PKIB: variants seen among roughly 807,000 people sequenced by gnomAD.
The protein encoded by PKIB is PKI-beta.
PKIB carries 2 observed loss-of-function variants against 4.5 expected under a neutral mutation model. The observed-to-expected ratio is 0.44, with a 90% CI of 0.18 to 1.39. PKIB has a LOEUF of 1.39. PKIB is among the 40% of genes most tolerant of loss of function. The probability of loss-of-function intolerance (pLI) is 0.27; values close to 1 mark genes in which losing one functional copy is unlikely to be tolerated. For synonymous variants in PKIB, 38 were observed against 36.0 expected, an observed-to-expected ratio of 1.06 and a Z score of -0.20; for missense variants, 94 against 92.6, an observed-to-expected ratio of 1.02 and a Z score of -0.06.
At chr6:122,585,985 G>A (rs993158632) in exon 3 of PKIB, 1 of 152,058 alleles carries the variant, frequency 6.6e-6, no homozygotes, top group Admixed American at 6.6e-5. Context: ...TGAGAACTTG[G>A]ACATACATAC....
intron 2 of PKIB, among the ~76,000 whole-genome samples, chr6:122,541,413 A>C (rs889683840): frequency 6.6e-6 from 1 of 151,574 alleles, no homozygotes; most frequent in Non-Finnish European, 1.5e-5. Flanking sequence ...GCTTGTCTGT[A>C]AAGTATTTTA....
intron 2 of PKIB, among the ~76,000 whole-genome samples, chr6:122,574,233 A>G (rs188134553): frequency 6.6e-6 from 1 of 152,198 alleles, no homozygotes; most frequent in Admixed American, 6.5e-5. Flanking sequence ...TAGGTGAAAG[A>G]TCACCTACAC....
intron 2 of PKIB, among the ~76,000 whole-genome samples, chr6:122,664,222 G>A (rs1266496862): frequency 6.6e-6 from 1 of 152,080 alleles, no homozygotes; most frequent in Non-Finnish European, 1.5e-5. Context: ...TTGAGAATTG[G>A]TTTTAGTGAC....
chr6:122,536,740 A>G (rs1010374236), intron 2 of PKIB, among the ~76,000 whole-genome samples: 2 of 152,096 alleles, frequency 1.3e-5, no homozygotes, highest in Non-Finnish European at 2.9e-5. Flanking sequence ...CATAAAGACT[A>G]ACATTAATAA....
At chr6:122,538,521 C>T (rs900464113) in intron 2 of PKIB, among the ~76,000 whole-genome samples, 1 of 152,024 alleles carries the variant, frequency 6.6e-6, no homozygotes, top group Non-Finnish European at 1.5e-5. Context: ...GGGCTCTGTT[C>T]TGTTCCATTG....
intron 2 of PKIB, among the ~76,000 whole-genome samples, chr6:122,573,707 G>C (rs1431599755): frequency 6.6e-6 from 1 of 152,020 alleles, no homozygotes; most frequent in Non-Finnish European, 1.5e-5. Flanking sequence ...AAAAGCATTT[G>C]ACAAAATGCA....
intron 2 of PKIB, among the ~76,000 whole-genome samples, chr6:122,644,978 A>G (rs1776257216): frequency 6.6e-6 from 1 of 152,172 alleles, no homozygotes; most frequent in Admixed American, 6.5e-5. Context: ...TACACATTTT[A>G]TCTCCTAAAG....
chr6:122,496,741 G>A (rs977707392), intron 2 of PKIB, among the ~76,000 whole-genome samples: 70 of 152,220 alleles, frequency 4.6e-4, no homozygotes, highest in African/African-American at 1.6e-3. Context: ...AAGTGACCAA[G>A]TCTATAAATT....
chr6:122,605,988 A>G (rs527841381), upstream of PKIB, among the ~76,000 whole-genome samples: 3 of 152,252 alleles, frequency 2.0e-5, no homozygotes, highest in East Asian at 3.9e-4. Context: ...AGTGGACTGA[A>G]TGGTGGTCTC....
rs193047948 is a variant in PKIB at position 122,514,166 on chromosome 6, T to C, written c.-248+36227T>C. 1.0e-3 allele frequency among the ~76,000 whole-genome samples: 152 copies of C among 152,152 alleles called. 2 individuals carry two copies. Among genetic ancestry groups the C allele is most frequent in the Admixed American group, 8.6e-3 (131 of 15,278 alleles). ...GGATGAATTCTCTTATTCAGGAAAA[T>C]GGAGAGAATAAGAATGCTTGCCTTT... On this transcript the variant is annotated intron_variant, in intron 2 of 6. Coordinates refer to the PKIB transcript ENST00000392491.
chr6:122,659,231 A>G (rs1489247216), intron 2 of PKIB, among the ~76,000 whole-genome samples: 2 of 152,196 alleles, frequency 1.3e-5, no homozygotes, highest in African/African-American at 4.8e-5. Context: ...GGCTTTATAT[A>G]CATATAAAAT....
At chr6:122,510,907 A>T (rs144720826) in intron 2 of PKIB, among the ~76,000 whole-genome samples, 1 of 152,232 alleles carries the variant, frequency 6.6e-6, no homozygotes, top group Non-Finnish European at 1.5e-5. Flanking sequence ...TGGCGAGCCA[A>T]GTCTTGGGCT....
chr6:122,649,060 C>T (rs1013031163), intron 2 of PKIB, among the ~76,000 whole-genome samples: 1 of 152,226 alleles, frequency 6.6e-6, no homozygotes, highest in Non-Finnish European at 1.5e-5. Flanking sequence ...TATTAAAATT[C>T]TCCTCTGCTG....
chr6:122,483,128 G>A (rs1202210079), intron 2 of PKIB: 5 of 151,966 alleles, frequency 3.3e-5, no homozygotes, highest in African/African-American at 9.7e-5. Context: ...ATTATTTGTC[G>A]AAGTATTACA....
At chr6:122,674,480 A>G (rs890572477) in intron 2 of PKIB, among the ~76,000 whole-genome samples, 5 of 152,144 alleles carry the variant, frequency 3.3e-5, no homozygotes, top group Non-Finnish European at 4.4e-5. Context: ...TTCTTATGCC[A>G]GATGCTAAGT....
chr6:122,590,714 G>A (rs932424957), intron 3 of PKIB, among the ~76,000 whole-genome samples: 3 of 152,148 alleles, frequency 2.0e-5, no homozygotes, highest in Admixed American at 1.3e-4. Flanking sequence ...TTAGAGAAGG[G>A]CAGAACCATC....
rs564603579 is a variant in PKIB, at chr6:122,604,826, T to C, written c.-161+18819T>C. ...TATGCCCTGCTACTCTGCAAAACAA[T>C]GCCCTATTGATCAGGAGTGGGGAGA... On this transcript the variant is annotated intron_variant, in intron 3 of 6. Transcript: ENST00000392491. Among the ~76,000 whole-genome samples, 44 of 152,322 alleles carry C rather than the reference T, an allele frequency of 2.9e-4. 1 individual carries two copies. In the South Asian group the frequency reaches 8.5e-3, roughly 29 times the overall value.
rs1273787358 is a variant in PKIB at position 122,491,554 on chromosome 6, C to T, written c.-248+13615C>T. 2.0e-5 allele frequency among the ~76,000 whole-genome samples: 3 copies of T among 152,216 alleles called. No individual in the cohort carries two copies. In the East Asian group the frequency reaches 5.8e-4, roughly 30 times the overall value. ...TGTAAAAATTAGTCATTAACGTAGG[C>T]CTCTAGAAGGGACGTGTGGCCTTGG... On this transcript the variant is annotated intron_variant, in intron 2 of 6. Coordinates refer to the PKIB transcript ENST00000392491.
At chr6:122,632,781 A>G (rs991783186) in intron 1 of PKIB, among the ~76,000 whole-genome samples, 1 of 152,212 alleles carries the variant, frequency 6.6e-6, no homozygotes, top group African/African-American at 2.4e-5. Flanking sequence ...AAATTCAAAG[A>G]TGAACGGTTG....
Sources: allele counts gnomAD v4.1 joint callset (sites outside exome capture counted in the v4.1 genomes callset), GRCh38; gene constraint gnomAD v4.1.1; transcripts MANE v1.5; gene names NCBI Gene and HGNC (gene_info 2026-07-23, HGNC 2026-07-21).